Variants in HS3ST4 observed in about 807,000 individuals in gnomAD.
HS3ST4 encodes the protein heparan sulfate-glucosamine 3-sulfotransferase 4, also known as heparan sulfate glucosamine 3-O-sulfotransferase 4.
In HS3ST4, 17 loss-of-function variants were observed where a neutral mutation model predicts 29.2. That is an observed-to-expected ratio of 0.58 (90% confidence interval 0.40 to 0.87). The LOEUF is 0.87. Ranked by LOEUF, HS3ST4 falls within the 40% of genes least tolerant of loss-of-function variation. HS3ST4 has a pLI of 0.00. For synonymous variants in HS3ST4, 314 were observed against 285.7 expected (o/e 1.10, Z -1.00); for missense variants, 627 against 634.5 (o/e 0.99, Z 0.13).
chr16:26,124,144 T>C (rs1899312395), intron 1 of HS3ST4, among the ~76,000 whole-genome samples: 1 of 152,150 alleles, frequency 6.6e-6, no homozygotes, highest in South Asian at 2.1e-4. Context: ...GGTCTTGAAC[T>C]CCTGACCTCA....
chr16:26,016,693 C>T (rs1969365151), intron 1 of HS3ST4, among the ~76,000 whole-genome samples: 1 of 152,132 alleles, frequency 6.6e-6, no homozygotes, highest in Non-Finnish European at 1.5e-5. Flanking sequence ...TATAGCAAGT[C>T]TCCTTATGCA....
chr16:25,920,688 G>A lies in HS3ST4; in HGVS notation c.735-214924G>A, dbSNP rs192508715. ...TGCGGTCATGGCTCACTGCAGCCTCGAGCTTCTAAGCTCAATGGATCCTCC... is the reference window on the plus strand; with the variant it reads ...TGCGGTCATGGCTCACTGCAGCCTCAAGCTTCTAAGCTCAATGGATCCTCC... On this transcript the variant is annotated intron_variant, in intron 1 of 1. Transcript: ENST00000331351. Among the ~76,000 whole-genome samples, 477 of 148,122 alleles carry A rather than the reference G, an allele frequency of 3.2e-3. 6 individuals are homozygous for A. The highest frequency in any genetic ancestry group is 1.7e-3 in the Non-Finnish European group (117 of 67,412).
At chr16:25,737,976 C>T (rs1196441507) in intron 1 of HS3ST4, among the ~76,000 whole-genome samples, 1 of 149,164 alleles carries the variant, frequency 6.7e-6, no homozygotes, top group East Asian at 2.0e-4. Context: ...GCAATCTCGG[C>T]TCACTGCAAC....
chr16:26,108,882 ATAAACG>A (rs1250075758), intron 1 of HS3ST4, among the ~76,000 whole-genome samples: 1 of 152,158 alleles, frequency 6.6e-6, no homozygotes, highest in African/African-American at 2.4e-5. Flanking sequence ...AAATGAATGA[ATAAACG>A]TATGTTAGGT....
chr16:25,724,035 AC>A (rs1274181115), intron 1 of HS3ST4, among the ~76,000 whole-genome samples: 1 of 144,762 alleles, frequency 6.9e-6, no homozygotes, highest in Non-Finnish European at 1.5e-5. Flanking sequence ...AATCGCTTGA[AC>A]CCAGGAGGTG....
Position 25,693,040 on chromosome 16 carries a change from G to C in HS3ST4, c.623G>C (p.Gly208Ala). The change falls in exon 1 of 2, where the codon GGA becomes GCA. Residue 208 changes from glycine (G) to alanine (A), a missense_variant. By Grantham distance (60) the Gly-to-Ala change is moderately conservative. Around this residue, in one of 2 missense-constraint regions of HS3ST4, gnomAD observed 402 missense variants for 340.8 expected, o/e 1.18. Transcript: ENST00000331351. ...GCGCTCATCATCGGGGTCAAGAAAG[G>C]AGGGACCCGCGCGCTGCTGGAGGCG... ...PQALIIGVKK[G>A]GTRALLEAIR... 6.2e-7 allele frequency: 1 copy of C among 1,611,408 alleles called. No individual in the cohort carries two copies. Among genetic ancestry groups the C allele is most frequent in the Non-Finnish European group, 8.5e-7 (1 of 1,179,104 alleles).
intron 1 of HS3ST4, among the ~76,000 whole-genome samples, chr16:25,812,260 C>G (rs897093252): frequency 9.8e-5 from 15 of 152,324 alleles, no homozygotes; most frequent in African/African-American, 3.6e-4. Flanking sequence ...GCAAATGTCA[C>G]AAATATCTAA....
chr16:26,031,778 C>T (rs1969533603), intron 1 of HS3ST4, among the ~76,000 whole-genome samples: 1 of 149,982 alleles, frequency 6.7e-6, no homozygotes, highest in East Asian at 2.0e-4. Context: ...CATGGTATTT[C>T]AGGCAGGACA....
chr16:25,717,203 G>A (rs928939741), intron 1 of HS3ST4, among the ~76,000 whole-genome samples: 1 of 152,094 alleles, frequency 6.6e-6, no homozygotes, highest in African/African-American at 2.4e-5. Flanking sequence ...GAAATTATTC[G>A]GACATGAATT....
At chr16:25,708,139 T>C (rs1471809712) in intron 1 of HS3ST4, among the ~76,000 whole-genome samples, 1 of 152,252 alleles carries the variant, frequency 6.6e-6, no homozygotes, top group Non-Finnish European at 1.5e-5. Flanking sequence ...AAGATGTTTA[T>C]GTAACACTCA....
intron 1 of HS3ST4, among the ~76,000 whole-genome samples, chr16:25,957,782 T>A (rs1480865720): frequency 6.6e-6 from 1 of 152,200 alleles, no homozygotes. Flanking sequence ...TAAAGGAGAC[T>A]TGTTGTTTGG....
At chr16:26,029,084 A>G (rs991970322) in intron 1 of HS3ST4, 8 of 152,190 alleles carry the variant, frequency 5.3e-5, no homozygotes, top group African/African-American at 1.9e-4. Flanking sequence ...TTTTATTTTT[A>G]TTCCTATCCT....
At chr16:25,981,388 G>T (rs1969003720) in intron 1 of HS3ST4, among the ~76,000 whole-genome samples, 1 of 152,052 alleles carries the variant, frequency 6.6e-6, no homozygotes, top group Non-Finnish European at 1.5e-5. Flanking sequence ...GGAATTGGTT[G>T]GTTTCCATAT....
chr16:25,706,847 C>T (rs1432442416), intron 1 of HS3ST4, among the ~76,000 whole-genome samples: 1 of 152,180 alleles, frequency 6.6e-6, no homozygotes, highest in East Asian at 1.9e-4. Flanking sequence ...GAATTGTATA[C>T]AGAAGGCTTC....
At chr16:25,858,071 C>T (rs968902757) in intron 1 of HS3ST4, among the ~76,000 whole-genome samples, 2 of 142,764 alleles carry the variant, frequency 1.4e-5, no homozygotes, top group Non-Finnish European at 3.1e-5. Flanking sequence ...CGTTCTTTTT[C>T]TCTCTCTCGC....
At chr16:25,939,843 G>A (rs911175072) in intron 1 of HS3ST4, among the ~76,000 whole-genome samples, 1 of 152,160 alleles carries the variant, frequency 6.6e-6, no homozygotes, top group African/African-American at 2.4e-5. Context: ...GCCATGAAGG[G>A]AGCTATGGCC....
At chr16:26,000,258 C>T (rs893579460) in intron 1 of HS3ST4, among the ~76,000 whole-genome samples, 4 of 152,108 alleles carry the variant, frequency 2.6e-5, no homozygotes, top group Non-Finnish European at 5.9e-5. Flanking sequence ...TCACCTATCT[C>T]TTCCTCTCTT....
At chr16:25,697,057 A>G (rs1966303051) in intron 1 of HS3ST4, among the ~76,000 whole-genome samples, 1 of 152,178 alleles carries the variant, frequency 6.6e-6, no homozygotes, top group African/African-American at 2.4e-5. Context: ...CCCTTGTACC[A>G]CACTGCCACA....
chr16:26,137,423 A>G lies in HS3ST4; in HGVS notation c.*1175A>G, dbSNP rs544330128. 3 of 152,244 alleles carry G rather than the reference A, an allele frequency of 2.0e-5. No homozygotes were observed. In the East Asian group the frequency reaches 5.8e-4, roughly 29 times the overall value. The allele number at this position is 152,244 out of a possible 1,614,324, so 9.4% of individuals were successfully genotyped here. ...CTCCATTCATCAGATCCAGTTTATG[A>G]GGGTTGGGGGTGAGCAAGGGCTGTC... is the stretch of plus-strand genomic sequence containing the variant. On this transcript the variant is annotated 3_prime_UTR_variant, in exon 2 of 2. Coordinates refer to ENST00000331351, the MANE Select transcript of HS3ST4 (RefSeq NM_006040.3).
Sources: gnomAD v4.1 joint callset for allele counts (sites outside exome capture counted in the v4.1 genomes callset) on GRCh38, gnomAD v4.1.1 for gene constraint, gnomAD v4.1.1 regional missense constraint, MANE v1.5 for transcripts, NCBI Gene and HGNC (gene_info 2026-07-23, HGNC 2026-07-21) for gene names.